Variants in MACF1 observed in about 807,000 individuals in gnomAD.
The protein encoded by MACF1 is microtubule actin crosslinking factor 1, also known as microtubule-actin cross-linking factor 1.
A neutral mutation model predicts 854.8 loss-of-function variants in MACF1; 193 were observed. The ratio of observed to expected loss-of-function variants is 0.23; its 90% confidence interval spans 0.20 to 0.25. The LOEUF is 0.25. Ranked by LOEUF, MACF1 falls within the 10% of genes least tolerant of loss-of-function variation. MACF1 has a pLI of 1.00. For missense variants in MACF1, 7,722 were observed against 8,929.1 expected, an observed-to-expected ratio of 0.86 and a Z score of 5.45; for synonymous variants, 3,185 against 3,226.7, an observed-to-expected ratio of 0.99 and a Z score of 0.44.
chr1:39,150,004 C>T (rs767837820), intron 2 of MACF1, among the ~76,000 whole-genome samples: 2 of 151,992 alleles, frequency 1.3e-5, no homozygotes, highest in African/African-American at 2.4e-5. Context: ...ATTTTAAACT[C>T]CTAGAACCTG....
chr1:39,337,128 G>T, intron 37 of MACF1, 54 bp from the exon 38 acceptor site: 1 of 1,545,926 alleles, frequency 6.5e-7, no homozygotes, highest in Non-Finnish European at 8.7e-7. Context: ...CTGCTTTAAA[G>T]CTGACTTACA....
intron 99 of MACF1, among the ~76,000 whole-genome samples, chr1:39,483,107 AAAAAACAC>A (rs1645045136): frequency 8.2e-6 from 1 of 122,468 alleles, no homozygotes; most frequent in African/African-American, 3.8e-5. Context: ...AAAAAAAAAA[AAAAAACAC>A]CCACACATTT....
intron 19 of MACF1, 104 bp downstream of exon 19, chr1:39,295,254 C>T (rs1645875994): frequency 1.1e-6 from 1 of 922,484 alleles, no homozygotes; most frequent in East Asian, 2.4e-5. Context: ...GAGGAAGTGT[C>T]AGGGAACATT....
chr1:39,482,444 T>A (rs1346105702), intron 99 of MACF1, among the ~76,000 whole-genome samples: 1 of 152,250 alleles, frequency 6.6e-6, no homozygotes, highest in African/African-American at 2.4e-5. Flanking sequence ...ATTTACATAA[T>A]TGATTTCAAA....
intron 58 of MACF1, among the ~76,000 whole-genome samples, chr1:39,395,685 T>C (rs929736480): frequency 1.3e-5 from 2 of 152,170 alleles, no homozygotes; most frequent in Non-Finnish European, 2.9e-5. Context: ...GCTGCTGATA[T>C]TTATAACCCT....
At chr1:39,421,165 A>T (rs1305629636) in intron 58 of MACF1, among the ~76,000 whole-genome samples, 1 of 151,932 alleles carries the variant, frequency 6.6e-6, no homozygotes, top group East Asian at 1.9e-4. Context: ...GTGCCCGGCC[A>T]CTTCATACTC....
Position 39,430,720 on chromosome 1 carries a change from A to G in MACF1, c.17149A>G (p.Met5717Val), listed in dbSNP as rs759545492. 4.3e-6 allele frequency: 7 copies of G among 1,612,018 alleles called. No homozygotes were observed. In the East Asian group the frequency reaches 1.6e-4, roughly 36 times the overall value. Residue 5717 changes from methionine to valine, a missense_variant, in exon 66 of 101, where the codon ATG (methionine) becomes GTG (valine). Physicochemically the swap from Met to Val is conservative, Grantham distance 21 (BLOSUM62 1). This residue lies in a region of MACF1 where 2,807 missense variants were observed against 3,235.8 expected (regional missense o/e 0.87). Coordinates refer to ENST00000564288, the MANE Select transcript of MACF1 (RefSeq NM_001394062.1). The part of the protein sequence containing the change: ...QRQKELKKEV[M>V]EHRLVLDTVN... ...TCCTTAGGAATTAAAGAAGGAGGTCATGGAGCACAGGCTGGTGTTGGACAC... is the reference window on the plus strand; with the variant it reads ...TCCTTAGGAATTAAAGAAGGAGGTCGTGGAGCACAGGCTGGTGTTGGACAC...
chr1:39,270,811 G>A (rs745764908), intron 6 of MACF1, among the ~76,000 whole-genome samples: 4 of 152,142 alleles, frequency 2.6e-5, no homozygotes, highest in Admixed American at 6.5e-5. Flanking sequence ...ACCTACTGGT[G>A]CCCTGCCTAT....
chr1:39,343,298 C>T (rs1023344415), intron 40 of MACF1, among the ~76,000 whole-genome samples: 2 of 152,164 alleles, frequency 1.3e-5, no homozygotes, highest in African/African-American at 4.8e-5. Context: ...CTATCTTCTC[C>T]CTCTTCCCCA....
At chr1:39,439,206 T>C (rs1249925496) in intron 71 of MACF1, 68 bp from the exon 72 acceptor site, 1 of 862,134 alleles carries the variant, frequency 1.2e-6, no homozygotes, top group African/African-American at 1.7e-5. Flanking sequence ...TTACATGGAA[T>C]TTCTGAATAG....
rs1642891249 is a variant in MACF1 at position 39,409,530 on chromosome 1, G to T, written c.15817-12844G>T. ...GGCCGCTGCTGCTGCCCGCCCGCCC[G>T]CCTGCCTTTCCGAAGGCCTGGCGCG... On this transcript the variant is annotated intron_variant, in intron 58 of 100. Transcript: ENST00000564288. This position sits in a 1 kb window ranked among gnomAD's most constrained non-coding sequence, Gnocchi z 4.2. The T allele has an allele frequency of 6.6e-6, 1 of 152,354 alleles. No individual in the cohort carries two copies. The highest frequency in any genetic ancestry group is 1.5e-5 in the Non-Finnish European group (1 of 68,140). The allele number at this position is 152,354 out of a possible 1,614,324, so 9.4% of individuals were successfully genotyped here.
At chr1:39,408,753 G>A (rs991914586) in intron 58 of MACF1, among the ~76,000 whole-genome samples, 1 of 152,092 alleles carries the variant, frequency 6.6e-6, no homozygotes, top group Non-Finnish European at 1.5e-5. Context: ...CGCCCTCTCC[G>A]GGGGCGGGGC....
chr1:39,411,333 C>A (rs1323851690), intron 58 of MACF1: 4 of 1,613,964 alleles, frequency 2.5e-6, no homozygotes, highest in Non-Finnish European at 3.4e-6. Context: ...AGAAGAACAG[C>A]CTGGCAGATA....
Position 39,322,935 on chromosome 1 carries a change from C to T in MACF1, c.4163C>T (p.Thr1388Met), listed in dbSNP as rs764416412. 21 of 1,613,930 alleles carry T rather than the reference C, an allele frequency of 1.3e-5. No individual in the cohort carries two copies. Among genetic ancestry groups the T allele is most frequent in the Middle Eastern group, 1.6e-4 (1 of 6,084 alleles). The change falls in exon 33 of 101, where the codon ACG becomes ATG. Residue 1388 changes from threonine (T) to methionine (M), a missense_variant. By Grantham distance (81) the Thr-to-Met change is moderately conservative. Around this residue, in one of 15 missense-constraint regions of MACF1, gnomAD observed 1,137 missense variants for 1,263.0 expected, o/e 0.90. Coordinates refer to ENST00000564288, the MANE Select transcript of MACF1 (RefSeq NM_001394062.1). Reference protein sequence around the residue: ...QEFMDLRTRYTALVTLTTQHV... With the variant: ...QEFMDLRTRYMALVTLTTQHV... The stretch of plus-strand genomic sequence containing the variant: ...TTCATGGACTTAAGGACTCGCTACA[C>T]GGCATTGGTGACTTTAACAACTCAG...
At position 39,461,885 on chromosome 1, in the gene MACF1, T is replaced by C; in HGVS notation, c.21526T>C (p.Phe7176Leu). Residue 7176 changes from phenylalanine to leucine, a missense_variant and splice_region_variant, in exon 93 of 101, where the codon TTC becomes CTC. Physicochemically the swap from Phe to Leu is conservative, Grantham distance 22. Around this residue, in one of 15 missense-constraint regions of MACF1, gnomAD observed 153 missense variants for 342.5 expected, o/e 0.45. Coordinates refer to ENST00000564288, the MANE Select transcript of MACF1 (RefSeq NM_001394062.1). ...EFIDGILASK[F>L]PTTKLEMTAV... The stretch of plus-strand genomic sequence containing the variant: ...AAAATATGATTCCTTTTCTCCAGAG[T>C]TCCCCACCACCAAGTTAGAGATGAC... 1 of 1,612,296 alleles carries C rather than the reference T, an allele frequency of 6.2e-7. No homozygotes were observed. Among genetic ancestry groups the C allele is most frequent in the Non-Finnish European group, 8.5e-7 (1 of 1,179,250 alleles).
chr1:39,417,010 A>C (rs1441442039), intron 58 of MACF1, among the ~76,000 whole-genome samples: 2 of 152,196 alleles, frequency 1.3e-5, no homozygotes, highest in Non-Finnish European at 2.9e-5. Flanking sequence ...TGAGAGGTTA[A>C]TTTTTTATTT....
chr1:39,466,517 C>T (rs1470067187), intron 95 of MACF1, among the ~76,000 whole-genome samples: 1 of 152,202 alleles, frequency 6.6e-6, no homozygotes, highest in Admixed American at 6.5e-5. Context: ...TCTTGTGGTT[C>T]CTTCCTGATT....
At chr1:39,383,885 A>G (rs1569825417) in intron 56 of MACF1, among the ~76,000 whole-genome samples, 4 of 152,298 alleles carry the variant, frequency 2.6e-5, no homozygotes, top group Admixed American at 6.5e-5. Context: ...TCAAAAAAAA[A>G]AAAGTGGCAT....
At chr1:39,480,379 G>A (rs1176529400) in intron 98 of MACF1, among the ~76,000 whole-genome samples, 1 of 152,200 alleles carries the variant, frequency 6.6e-6, no homozygotes, top group Non-Finnish European at 1.5e-5. Context: ...GGGAAGCTGT[G>A]GTGGGAGGAT....
Sources: gnomAD v4.1 joint callset for allele counts (sites outside exome capture counted in the v4.1 genomes callset) on GRCh38, gnomAD v4.1.1 for gene constraint, gnomAD v4.1.1 regional missense constraint, Gnocchi (gnomAD v3.1) non-coding constraint, MANE v1.5 for transcripts, NCBI Gene and HGNC (gene_info 2026-07-23, HGNC 2026-07-21) for gene names.